ZNF844: variants seen among roughly 807,000 people sequenced by gnomAD.
ZNF844 encodes zinc finger protein 844.
A neutral mutation model predicts 11.4 loss-of-function variants in ZNF844; 11 were observed. The ratio of observed to expected loss-of-function variants is 0.97; its 90% CI spans 0.61 to 1.60. The LOEUF (loss-of-function observed/expected upper bound fraction) is 1.60. ZNF844 is among the 40% of genes most tolerant of loss of function. The pLI, the probability that ZNF844 is intolerant of heterozygous loss-of-function variation, is 0.00. For synonymous variants in ZNF844, 248 were observed against 260.3 expected (o/e 0.95, Z 0.46); for missense variants, 790 against 796.8 (o/e 0.99, Z 0.10).
At chr19:12,073,451 C>T (rs112518795) in intron 1 of ZNF844, among the ~76,000 whole-genome samples, 18,037 of 152,060 alleles carry the variant, frequency 0.12, 1,450 homozygotes, top group African/African-American at 0.23. Context: ...CCACCGCGCC[C>T]GGCCCACAGT....
In ZNF844 at chr19:12,077,602, A is replaced by C; in HGVS notation, c.*481A>C. On this transcript the variant is annotated 3_prime_UTR_variant, in exon 4 of 4. Transcript: ENST00000439326. ...AGATCTGCCACTCAACTTCAGATGCATAGAAAGATTCACACTGGCGAGAAA... is the reference window on the plus strand; with the variant it reads ...AGATCTGCCACTCAACTTCAGATGCCTAGAAAGATTCACACTGGCGAGAAA... 1 of 564,582 alleles carries C rather than the reference A, an allele frequency of 1.8e-6. No homozygotes were observed. The highest frequency in any genetic ancestry group is 1.4e-5 in the South Asian group (1 of 71,792). 35.0% of individuals were successfully genotyped at this position (564,582 alleles called of 1,614,324 possible).
Position 12,075,489 on chromosome 19 carries a change from A to G in ZNF844, c.369A>G (p.Arg123=). 5.0e-6 allele frequency: 8 copies of G among 1,613,690 alleles called. No homozygotes were observed. The highest frequency in any genetic ancestry group is 5.9e-6 in the Non-Finnish European group (7 of 1,179,888). ...ATTCTTCCCTTAATAGGCACATTAG[A>G]GCTGACACTGCACACAAGCCGTCTG... is the stretch of plus-strand genomic sequence containing the variant. ...VGHSSLNRHI[R]ADTAHKPSEY... The change falls in exon 4 of 4, where the codon AGA becomes AGG. Residue 123 remains arginine, a synonymous_variant. Coordinates refer to ENST00000439326, the MANE Select transcript of ZNF844 (RefSeq NM_001136501.3).
chr19:12,066,024 AGCAGCAGCTCAGGT>A (rs1975683606), intron 1 of ZNF844, among the ~76,000 whole-genome samples: 1 of 151,878 alleles, frequency 6.6e-6, no homozygotes, highest in Non-Finnish European at 1.5e-5. Context: ...GACCCACCTG[AGCAGCAGCTCAGGT>A]GATTGTGCTG....
intron 1 of ZNF844, 31 bp from the exon 2 acceptor site, chr19:12,074,000 C>T: frequency 6.2e-7 from 1 of 1,602,344 alleles, no homozygotes; most frequent in Non-Finnish European, 8.5e-7. Flanking sequence ...CAGTCTCACC[C>T]ATCCTCCTCT....
Position 12,077,384 on chromosome 19 carries a change from G to C in ZNF844, c.*263G>C. 1 of 743,938 alleles carries C rather than the reference G, an allele frequency of 1.3e-6. No homozygotes were observed. Among genetic ancestry groups the C allele is most frequent in the Non-Finnish European group, 2.4e-6 (1 of 415,440 alleles). 46.1% of individuals were successfully genotyped at this position (743,938 alleles called of 1,614,324 possible). A position where few individuals can be genotyped will look rare whatever the true frequency, so the allele number is the denominator to read the frequency against. ...CTCACACTGGAGAGAAACAGTATGA[G>C]TGTAAGCAGTGTGGTAAAGCCTTCA... On this transcript the variant is annotated 3_prime_UTR_variant, in exon 4 of 4. Transcript: ENST00000439326.
chr19:12,069,268 T>C (rs1402319651), intron 1 of ZNF844, among the ~76,000 whole-genome samples: 2 of 143,350 alleles, frequency 1.4e-5, no homozygotes, highest in African/African-American at 2.7e-5. Context: ...CTGCAACCTC[T>C]GCCTCCTGGG....
intron 1 of ZNF844, among the ~76,000 whole-genome samples, chr19:12,065,109 CG>C (rs1407036990): frequency 1.3e-5 from 2 of 151,924 alleles, no homozygotes; most frequent in Non-Finnish European, 2.9e-5. Context: ...GCGGCGACTG[CG>C]GCCCCAGCCC....
intron 1 of ZNF844, among the ~76,000 whole-genome samples, chr19:12,072,423 G>C (rs1201449995): frequency 6.8e-6 from 1 of 146,758 alleles, no homozygotes; most frequent in African/African-American, 2.7e-5. Context: ...ATGGGTTGCT[G>C]GAAGAAAATT....
At chr19:12,069,178 CCTTT>C (rs1975724596) in intron 1 of ZNF844, among the ~76,000 whole-genome samples, 1 of 137,478 alleles carries the variant, frequency 7.3e-6, no homozygotes, top group South Asian at 2.2e-4. Context: ...TTCTTTTATT[CCTTT>C]TTTTTTTTTT....
intron 1 of ZNF844, among the ~76,000 whole-genome samples, chr19:12,068,082 T>TG (rs1975713420): frequency 6.6e-6 from 1 of 151,934 alleles, no homozygotes; most frequent in East Asian, 1.9e-4. Flanking sequence ...CGAGGGGTTG[T>TG]GGGATCCTTT....
intron 1 of ZNF844, among the ~76,000 whole-genome samples, chr19:12,073,165 CTT>C (rs934072757): frequency 6.9e-6 from 1 of 144,266 alleles, no homozygotes. Flanking sequence ...CCACAGTCTG[CTT>C]TTTTTTTTTG....
Position 12,075,674 on chromosome 19 carries a change from A to G in ZNF844, c.554A>G (p.Gln185Arg), listed in dbSNP as rs1975801811. ...GKTFISHSSI[Q>R]RHMIMHNGDG... ...ACCTTCATATCCCATTCAAGCATTC[A>G]AAGACACATGATAATGCACAATGGA... Residue 185 changes from glutamine to arginine, a missense_variant, in exon 4 of 4, where the codon CAA becomes CGA. Gln to Arg is a conservative substitution (Grantham distance 43). Coordinates refer to ENST00000439326, the MANE Select transcript of ZNF844 (RefSeq NM_001136501.3). 1 of 1,612,610 alleles carries G rather than the reference A, an allele frequency of 6.2e-7. No homozygotes were observed. The highest frequency in any genetic ancestry group is 8.5e-7 in the Non-Finnish European group (1 of 1,179,614).
At chr19:12,065,773 G>A (rs916301998) in intron 1 of ZNF844, among the ~76,000 whole-genome samples, 2 of 151,620 alleles carry the variant, frequency 1.3e-5, no homozygotes, top group Non-Finnish European at 2.9e-5. Context: ...AGTAGCTGGG[G>A]TTACAGGCAC....
At chr19:12,067,311 C>A (rs746652149) in intron 1 of ZNF844, among the ~76,000 whole-genome samples, 1 of 152,038 alleles carries the variant, frequency 6.6e-6, no homozygotes, top group Non-Finnish European at 1.5e-5. Context: ...GAGACCCTGT[C>A]TCAAAAATAA....
At position 12,075,996 on chromosome 19, in the gene ZNF844, G is replaced by T; in HGVS notation, c.876G>T (p.Trp292Cys). 6.3e-7 allele frequency: 1 copy of T among 1,581,266 alleles called. No homozygotes were observed. The highest frequency in any genetic ancestry group is 8.6e-7 in the Non-Finnish European group (1 of 1,163,368). Residue 292 changes from tryptophan to cysteine, a missense_variant, in exon 4 of 4, where the codon TGG (tryptophan) becomes TGT (cysteine). Coordinates refer to ENST00000439326, the MANE Select transcript of ZNF844 (RefSeq NM_001136501.3). ...AACAATGTGGAAAAGCCTTCAGATGGTTCCATTCCTTTCAAATACATGAAA... is the reference window on the plus strand; with the variant it reads ...AACAATGTGGAAAAGCCTTCAGATGTTTCCATTCCTTTCAAATACATGAAA... ...ECKQCGKAFR[W>C]FHSFQIHERT...
At position 12,077,294 on chromosome 19, in the gene ZNF844, CTAT is replaced by C; in HGVS notation, c.*174_*176del. The C allele has an allele frequency of 4.2e-6, 5 of 1,200,764 alleles. No homozygotes were observed. The highest frequency in any genetic ancestry group is 6.2e-6 in the Non-Finnish European group (5 of 808,664). The allele number at this position is 1,200,764 out of a possible 1,614,324, so 74.4% of individuals were successfully genotyped here. A position where few individuals can be genotyped will look rare whatever the true frequency, so the allele number is the denominator to read the frequency against. On this transcript the variant is annotated 3_prime_UTR_variant, in exon 4 of 4. Coordinates refer to ENST00000439326, the MANE Select transcript of ZNF844 (RefSeq NM_001136501.3). The stretch of plus-strand genomic sequence containing the variant: ...AAAGGACTCACACTGGAGAGAAACC[CTAT>C]GAGTGTAAGCAATGTGGAAAAGCCT...
chr19:12,075,938 G>A lies in ZNF844; in HGVS notation c.818G>A (p.Arg273Lys), dbSNP rs779959947. ...GSPNSLYEHR[R>K]THTGEKPYEC... The stretch of plus-strand genomic sequence containing the variant: ...CCCAATTCCCTTTATGAACATAGAA[G>A]AACTCACACTGGAGAGAAGCCATAT... The change falls in exon 4 of 4, where the codon AGA becomes AAA. Residue 273 changes from arginine (R) to lysine (K), a missense_variant. By Grantham distance (26) the Arg-to-Lys change is conservative. This residue lies in a region of ZNF844 where 657 missense variants were observed against 636.2 expected (regional missense o/e 1.03). Coordinates refer to ENST00000439326, the MANE Select transcript of ZNF844 (RefSeq NM_001136501.3). 4 of 1,601,430 alleles carry A rather than the reference G, an allele frequency of 2.5e-6. No homozygotes were observed. The African/African-American group carries it at 5.4e-5, about 22-fold the overall frequency.
rs1195695309 is a variant in ZNF844 at position 12,076,839 on chromosome 19, C to T, written c.1719C>T (p.Phe573=). ...AGCATTCAACAATTTCTCTTCCTTT[C>T]AAATACATGCAACAATGCACAGAGG... is the stretch of plus-strand genomic sequence containing the variant. ...MEKHSTISLP[F]KYMQQCTEDR... The change falls in exon 4 of 4, where the codon TTC becomes TTT. Residue 573 remains phenylalanine, a synonymous_variant. Transcript: ENST00000439326. 1.3e-6 allele frequency: 2 copies of T among 1,559,786 alleles called. No homozygotes were observed. Among genetic ancestry groups the T allele is most frequent in the East Asian group, 4.9e-5 (2 of 41,202 alleles).
intron 1 of ZNF844, among the ~76,000 whole-genome samples, chr19:12,066,179 G>GC: frequency 6.6e-6 from 1 of 152,076 alleles, no homozygotes; most frequent in Non-Finnish European, 1.5e-5. Flanking sequence ...GCTCACCTCG[G>GC]CCCCCCAAAG....
Sources: allele counts gnomAD v4.1 joint callset (sites outside exome capture counted in the v4.1 genomes callset), GRCh38; gene constraint gnomAD v4.1.1; regional missense constraint gnomAD v4.1.1; transcripts MANE v1.5; gene names NCBI Gene and HGNC (gene_info 2026-07-23, HGNC 2026-07-21).